The following UBAC2 variants were observed in gnomAD, a reference collection of about 807,000 sequenced individuals.
The protein encoded by UBAC2 is ubiquitin-associated domain-containing protein 2.
In UBAC2, 26 loss-of-function variants were observed where a neutral mutation model predicts 44.0. The observed-to-expected ratio is 0.59, with a 90% CI of 0.43 to 0.82. The LOEUF (loss-of-function observed/expected upper bound fraction) is 0.82, where lower values mean the gene tolerates loss of function less well. Ranked by LOEUF, UBAC2 falls within the 40% of genes least tolerant of loss-of-function variation. UBAC2 has a pLI of 0.00. For missense variants in UBAC2, 329 were observed against 419.4 expected, an observed-to-expected ratio of 0.78 and a Z score of 1.88; for synonymous variants, 155 against 154.3, an observed-to-expected ratio of 1.00 and a Z score of -0.04.
intron 7 of UBAC2, among the ~76,000 whole-genome samples, chr13:99,352,859 GTCGGA>G (rs985658860): frequency 3.3e-5 from 5 of 152,044 alleles, no homozygotes; most frequent in African/African-American, 1.2e-4. Flanking sequence ...AGGCAGCACC[GTCGGA>G]AACTCTCTAC....
In UBAC2 at chr13:99,200,880, C is replaced by T. The variant is rs555163358; in HGVS notation, c.-29C>T. The T allele has an allele frequency of 7.6e-5, 99 of 1,300,814 alleles. No homozygotes were observed. In the East Asian group the frequency reaches 1.1e-3, roughly 15 times the overall value. 80.6% of individuals were successfully genotyped at this position (1,300,814 alleles called of 1,614,324 possible). On this transcript the variant is annotated 5_prime_UTR_variant, in exon 1 of 9. Transcript: ENST00000403766. ...CACTTCAGCTTCCCCTCCCCCGGCG[C>T]CCTCTGGGGCTCCGAGCCCGGCGGG...
At chr13:99,378,265 G>T (rs1000089821) in intron 8 of UBAC2, among the ~76,000 whole-genome samples, 1 of 152,210 alleles carries the variant, frequency 6.6e-6, no homozygotes, top group Non-Finnish European at 1.5e-5. Flanking sequence ...AGTGGCTCAT[G>T]CCTGTAATTC....
At chr13:99,263,867 G>T (rs189522406) in intron 4 of UBAC2, among the ~76,000 whole-genome samples, 1 of 152,300 alleles carries the variant, frequency 6.6e-6, no homozygotes, top group Admixed American at 6.5e-5. Context: ...CTAGTGTTAA[G>T]TTGAAAAAGC....
chr13:99,213,395 C>A (rs951148887), intron 1 of UBAC2, among the ~76,000 whole-genome samples: 1 of 151,886 alleles, frequency 6.6e-6, no homozygotes, highest in Non-Finnish European at 1.5e-5. Context: ...AGGTCTTGCT[C>A]TGTCGTCCAG....
At chr13:99,320,788 G>A (rs2044557704) in intron 6 of UBAC2, among the ~76,000 whole-genome samples, 1 of 152,164 alleles carries the variant, frequency 6.6e-6, no homozygotes, top group African/African-American at 2.4e-5. Flanking sequence ...AGTATTATTT[G>A]TGAGTGTTTG....
intron 4 of UBAC2, among the ~76,000 whole-genome samples, chr13:99,274,874 C>T (rs148556710): frequency 3.3e-5 from 5 of 152,028 alleles, no homozygotes; most frequent in Non-Finnish European, 5.9e-5. Flanking sequence ...CGCACCACCA[C>T]TCCCAGCTAA....
chr13:99,240,588 A>G (rs542873641), intron 2 of UBAC2, among the ~76,000 whole-genome samples: 2 of 152,316 alleles, frequency 1.3e-5, no homozygotes, highest in South Asian at 4.1e-4. Context: ...GACAGTCATC[A>G]TCATCGGACA....
chr13:99,357,043 AAT>A (rs1279784873), intron 7 of UBAC2, among the ~76,000 whole-genome samples: 6 of 152,202 alleles, frequency 3.9e-5, no homozygotes, highest in African/African-American at 1.4e-4. Flanking sequence ...ACCACATAAC[AAT>A]ATGTTTTGGT....
intron 4 of UBAC2, among the ~76,000 whole-genome samples, chr13:99,284,809 G>C (rs955921228): frequency 2.0e-5 from 3 of 152,126 alleles, no homozygotes; most frequent in African/African-American, 7.2e-5. Context: ...TACAGAAAAC[G>C]ATACATATTC....
chr13:99,344,237 G>T (rs936809111), intron 7 of UBAC2, among the ~76,000 whole-genome samples: 7 of 152,188 alleles, frequency 4.6e-5, no homozygotes, highest in Non-Finnish European at 8.8e-5. Flanking sequence ...TGTTGATGGG[G>T]ATCTGGGAGT....
At chr13:99,301,231 G>C (rs2044252576) in intron 4 of UBAC2, among the ~76,000 whole-genome samples, 1 of 152,196 alleles carries the variant, frequency 6.6e-6, no homozygotes, top group African/African-American at 2.4e-5. Flanking sequence ...ATAATGACTG[G>C]GCCACAGGAA....
chr13:99,374,113 C>T (rs1026121285), intron 8 of UBAC2, among the ~76,000 whole-genome samples: 1 of 152,202 alleles, frequency 6.6e-6, no homozygotes. Context: ...TTCTACAAAA[C>T]AGAATGTGAG....
chr13:99,344,085 C>T (rs547091387), intron 7 of UBAC2, among the ~76,000 whole-genome samples: 122 of 152,272 alleles, frequency 8.0e-4, no homozygotes, highest in Non-Finnish European at 1.5e-3. Flanking sequence ...AGAAGACCAC[C>T]ACCATTTATT....
chr13:99,262,527 AC>A (rs1295039587), intron 4 of UBAC2, among the ~76,000 whole-genome samples: 1 of 151,884 alleles, frequency 6.6e-6, no homozygotes, highest in Admixed American at 6.6e-5. Flanking sequence ...ACATGGCAAA[AC>A]CCTGTCTCTA....
At chr13:99,381,452 C>CTT (rs1477598651) in intron 8 of UBAC2, among the ~76,000 whole-genome samples, 7 of 152,344 alleles carry the variant, frequency 4.6e-5, no homozygotes, top group African/African-American at 1.4e-4. Context: ...CTCAGCTGCA[C>CTT]TTGAAGTACT....
intron 2 of UBAC2, among the ~76,000 whole-genome samples, chr13:99,239,801 G>A (rs1029125479): frequency 6.6e-6 from 1 of 152,196 alleles, no homozygotes; most frequent in East Asian, 1.9e-4. Context: ...TTGCAGTTCT[G>A]CCTTGGGAAA....
chr13:99,215,470 T>C (rs897209961), intron 1 of UBAC2: 25 of 1,400,828 alleles, frequency 1.8e-5, no homozygotes, highest in African/African-American at 4.2e-5. Flanking sequence ...AGAATCCAAT[T>C]CTTCATCTGC....
intron 4 of UBAC2, among the ~76,000 whole-genome samples, chr13:99,285,534 A>G (rs1170920528): frequency 6.6e-6 from 1 of 152,084 alleles, no homozygotes; most frequent in Non-Finnish European, 1.5e-5. Context: ...CTAGGACTAC[A>G]GGCATGTGCC....
chr13:99,322,056 T>C lies in UBAC2; in HGVS notation c.561+3987T>C, dbSNP rs549695857. Among the ~76,000 whole-genome samples, 12 of 152,380 alleles carry C rather than the reference T, an allele frequency of 7.9e-5. No individual in the cohort carries two copies. The East Asian group carries it at 2.3e-3, about 29-fold the overall frequency. On this transcript the variant is annotated intron_variant, in intron 6 of 8. Transcript: ENST00000403766. ...AAACATTTAGTATTTAAAATAGGAC[T>C]TTTCATGAAATGTTGCAAAATTGTA...
Sources: allele counts gnomAD v4.1 joint callset (sites outside exome capture counted in the v4.1 genomes callset), GRCh38; gene constraint gnomAD v4.1.1; transcripts MANE v1.5; gene names NCBI Gene and HGNC (gene_info 2026-07-23, HGNC 2026-07-21).